OPA1: variants seen among roughly 807,000 people sequenced by gnomAD.
OPA1 encodes dynamin-like GTPase OPA1, mitochondrial.
Under a neutral mutation model 152.9 loss-of-function variants are expected in OPA1, and 59 were observed. The ratio of observed to expected loss-of-function variants is 0.39; its 90% CI spans 0.31 to 0.48. The LOEUF (loss-of-function observed/expected upper bound fraction) is 0.48, where lower values mean the gene tolerates loss of function less well. Ranked by LOEUF, OPA1 falls within the 20% of genes least tolerant of loss-of-function variation. The pLI, the probability that OPA1 is intolerant of heterozygous loss-of-function variation, is 0.96. For synonymous variants in OPA1, 400 were observed against 389.9 expected (o/e 1.03, Z -0.31); for missense variants, 1,008 against 1,216.8 (o/e 0.83, Z 2.55).
Position 193,618,909 on chromosome 3 carries a change from A to G in OPA1, c.651A>G (p.Gly217=). The change falls in exon 6 of 31, where the codon GGA becomes GGG. Residue 217 remains glycine (G), a synonymous_variant. Transcript: ENST00000361510. ...CGGCGTTTAGAGCAACAGATCGTGG[A>G]TCTGAAAGTGACAAGCATTTTAGAA... The part of the protein sequence containing the change: ...EETAFRATDR[G]SESDKHFRKG... 1.2e-6 allele frequency: 2 copies of G among 1,613,966 alleles called. No individual in the cohort carries two copies. The highest frequency in any genetic ancestry group is 1.3e-5 in the African/African-American group (1 of 75,058).
Position 193,647,140 on chromosome 3 carries a change from G to T in OPA1, c.1830G>T (p.Met610Ile), listed in dbSNP as rs1210297472. The part of the protein sequence containing the change: ...SLAVSDCFWK[M>I]VRESVEQQAD... ...CAGTATCAGACTGCTTTTGGAAAAT[G>T]GTACGAGAGTCTGTTGAACAACAGG... Residue 610 changes from methionine to isoleucine, a missense_variant, in exon 19 of 31, where the codon ATG (methionine) becomes ATT (isoleucine). Around this residue, in one of 7 missense-constraint regions of OPA1, gnomAD observed 10 missense variants for 35.8 expected, o/e 0.28. Coordinates refer to ENST00000361510, the MANE Select transcript of OPA1 (RefSeq NM_130837.3). 1 of 1,613,262 alleles carries T rather than the reference G, an allele frequency of 6.2e-7. No homozygotes were observed. Among genetic ancestry groups the T allele is most frequent in the African/African-American group, 1.3e-5 (1 of 74,880 alleles).
chr3:193,628,193 A>G (rs1237424831), intron 7 of OPA1, among the ~76,000 whole-genome samples: 1 of 151,844 alleles, frequency 6.6e-6, no homozygotes, highest in Non-Finnish European at 1.5e-5. Context: ...GTTGTTTTTT[A>G]ATTGTTTTTT....
chr3:193,616,232 A>G lies in OPA1; in HGVS notation c.448+462A>G, dbSNP rs1728993126. On this transcript the variant is annotated intron_variant, in intron 3 of 30. Coordinates refer to ENST00000361510, the MANE Select transcript of OPA1 (RefSeq NM_130837.3). ...TCACTATGTTGCCCAGGCTAGTCTC[A>G]AATTCCTTAGCTCAAACCTCTCACC... Among the ~76,000 whole-genome samples, 6 of 152,082 alleles carry G rather than the reference A, an allele frequency of 3.9e-5. No homozygotes were observed. The South Asian group carries it at 1.2e-3, about 32-fold the overall frequency.
At chr3:193,623,716 A>C (rs529051734) in intron 6 of OPA1, among the ~76,000 whole-genome samples, 1 of 152,272 alleles carries the variant, frequency 6.6e-6, no homozygotes, top group East Asian at 1.9e-4. Flanking sequence ...AAAATGTCTA[A>C]GCTTGGGAAA....
At position 193,615,822 on chromosome 3, in the gene OPA1, A is replaced by C. The variant is rs566453567; in HGVS notation, c.448+52A>C. On this transcript the variant is annotated intron_variant, in intron 3 of 30. Transcript: ENST00000361510. ...TTTTTTGGTCATCTCGAGGAAAGAGAAATAGTTTATTGAGATAGTTTCTTA... is the reference window on the plus strand; with the variant it reads ...TTTTTTGGTCATCTCGAGGAAAGAGCAATAGTTTATTGAGATAGTTTCTTA... The C allele has an allele frequency of 5.5e-5, 56 of 1,019,154 alleles. 2 individuals are homozygous for C. The South Asian group carries it at 6.3e-4, about 11-fold the overall frequency. The allele number at this position is 1,019,154 out of a possible 1,614,324, so 63.1% of individuals were successfully genotyped here.
chr3:193,618,625 C>A, intron 5 of OPA1: 1 of 460,288 alleles, frequency 2.2e-6, no homozygotes, highest in Non-Finnish European at 3.9e-6. Context: ...TTGTAATTTT[C>A]AGTTATATAT....
Position 193,593,494 on chromosome 3 carries a change from AG to A in OPA1, c.32+87del, listed in dbSNP as rs1041653232. On this transcript the variant is annotated intron_variant, in intron 1 of 30. Transcript: ENST00000361510. ...CTTATCTCTATCTCCAAAAATGTGC[AG>A]GTGACTCTCAGGCCAGGCCGACGGC... is the stretch of plus-strand genomic sequence containing the variant. 23 of 1,338,490 alleles carry A rather than the reference AG, an allele frequency of 1.7e-5. No individual in the cohort carries two copies. In the African/African-American group the frequency reaches 3.2e-4, roughly 19 times the overall value. The allele number at this position is 1,338,490 out of a possible 1,614,324, so 82.9% of individuals were successfully genotyped here. A position where few individuals can be genotyped will look rare whatever the true frequency, so the allele number is the denominator to read the frequency against.
At chr3:193,672,284 C>T (rs1718102811) in intron 29 of OPA1, among the ~76,000 whole-genome samples, 1 of 151,722 alleles carries the variant, frequency 6.6e-6, no homozygotes, top group South Asian at 2.1e-4. Flanking sequence ...TGTTTTTTGC[C>T]CCATTCTACC....
chr3:193,670,340 C>T (rs935203563), intron 29 of OPA1, among the ~76,000 whole-genome samples: 7 of 150,882 alleles, frequency 4.6e-5, no homozygotes, highest in Non-Finnish European at 8.8e-5. Flanking sequence ...CAGTTTTAAG[C>T]TTGTACGATT....
intron 11 of OPA1, among the ~76,000 whole-genome samples, chr3:193,641,886 G>T (rs1733831209): frequency 6.6e-6 from 1 of 152,180 alleles, no homozygotes; most frequent in African/African-American, 2.4e-5. Context: ...AGGCTGAGGA[G>T]GGCGGATCAC....
At position 193,695,866 on chromosome 3, in the gene OPA1, G is replaced by A. The variant is rs932178332; in HGVS notation, c.*1266G>A. 3.3e-5 allele frequency: 5 copies of A among 152,110 alleles called. No individual in the cohort carries two copies. The highest frequency in any genetic ancestry group is 4.8e-5 in the African/African-American group (2 of 41,418). The allele number at this position is 152,110 out of a possible 1,614,324, so 9.4% of individuals were successfully genotyped here. ...ATTGTTTTACATCAATGCATGCTTC[G>A]TTGTGATCCCTCAAGATGTAACACT... is the stretch of plus-strand genomic sequence containing the variant. On this transcript the variant is annotated 3_prime_UTR_variant, in exon 31 of 31. Transcript: ENST00000361510.
intron 29 of OPA1, 152 bp downstream of exon 29, chr3:193,667,432 A>C: frequency 1.5e-6 from 1 of 680,962 alleles, no homozygotes; most frequent in Non-Finnish European, 2.8e-6. Context: ...GCACTTTGGG[A>C]GGCCAAGATG....
At chr3:193,593,654 A>G (rs149987554) in intron 1 of OPA1, among the ~76,000 whole-genome samples, 40 of 152,092 alleles carry the variant, frequency 2.6e-4, no homozygotes, top group Admixed American at 1.0e-3. Context: ...ACGCCTCTCA[A>G]TCTTGGCCCG....
Position 193,593,403 on chromosome 3 carries a change from T to G in OPA1, c.26T>G (p.Val9Gly). 6.5e-7 allele frequency: 1 copy of G among 1,547,988 alleles called. No individual in the cohort carries two copies. ...ATGTGGCGACTACGTCGGGCCGCTG[T>G]GGCCTGGTAAGTGCAGGCTCTAATC... is the stretch of plus-strand genomic sequence containing the variant. The part of the protein sequence containing the change: MWRLRRAA[V>G]ACEVCQSLVK... The change falls in exon 1 of 31, where the codon GTG becomes GGG. Residue 9 changes from valine to glycine, a missense_variant. Around this residue, in one of 7 missense-constraint regions of OPA1, gnomAD observed 408 missense variants for 395.1 expected, o/e 1.03. Coordinates refer to ENST00000361510, the MANE Select transcript of OPA1 (RefSeq NM_130837.3).
chr3:193,668,638 A>T, intron 29 of OPA1: 1 of 1,519,750 alleles, frequency 6.6e-7, no homozygotes, highest in African/African-American at 1.4e-5. Context: ...TCCTGCACAG[A>T]TACTCTCCTC....
intron 22 of OPA1, among the ~76,000 whole-genome samples, chr3:193,656,752 CCTT>C (rs2109158367): frequency 6.6e-6 from 1 of 152,154 alleles, no homozygotes; most frequent in Admixed American, 6.5e-5. Flanking sequence ...ATGGGTATAT[CCTT>C]CTCAGTTAGT....
At chr3:193,680,758 T>A (rs1047551935) in intron 29 of OPA1, among the ~76,000 whole-genome samples, 5 of 152,226 alleles carry the variant, frequency 3.3e-5, no homozygotes, top group African/African-American at 1.2e-4. Context: ...ATCTTCCCAA[T>A]TAATTGCCTA....
At chr3:193,609,732 C>G (rs566641080) in intron 1 of OPA1, among the ~76,000 whole-genome samples, 3 of 152,112 alleles carry the variant, frequency 2.0e-5, no homozygotes, top group African/African-American at 7.2e-5. Context: ...AGGCTTTGTT[C>G]GTTTCTTTTT....
intron 6 of OPA1, among the ~76,000 whole-genome samples, chr3:193,622,195 A>G (rs1165015055): frequency 1.4e-5 from 2 of 146,404 alleles, no homozygotes; most frequent in Non-Finnish European, 3.0e-5. Flanking sequence ...TAATACATTA[A>G]TGTTCTTTCT....
Sources: gnomAD v4.1 joint callset for allele counts (sites outside exome capture counted in the v4.1 genomes callset) on GRCh38, gnomAD v4.1.1 for gene constraint, gnomAD v4.1.1 regional missense constraint, MANE v1.5 for transcripts, NCBI Gene and HGNC (gene_info 2026-07-23, HGNC 2026-07-21) for gene names.